PCDH9: variants seen among roughly 807,000 people sequenced by gnomAD.
PCDH9 encodes protocadherin-9.
A neutral mutation model predicts 70.6 loss-of-function variants in PCDH9; 24 were observed. The observed-to-expected ratio is 0.34, with a 90% CI of 0.25 to 0.48. PCDH9 has a LOEUF of 0.48. Among genes scored for constraint, PCDH9 ranks in the 20% least tolerant of loss-of-function variants. The probability of loss-of-function intolerance (pLI) is 0.99; values close to 1 mark genes in which losing one functional copy is unlikely to be tolerated. For missense variants in PCDH9, 1,281 were observed against 1,503.6 expected (o/e 0.85, Z 2.45); for synonymous variants, 562 against 558.5 (o/e 1.01, Z -0.09).
chr13:67,195,150 C>CTT (rs11427310), intron 2 of PCDH9, among the ~76,000 whole-genome samples: 30 of 144,926 alleles, frequency 2.1e-4, no homozygotes, highest in African/African-American at 3.8e-4. Flanking sequence ...TTCATACTTT[C>CTT]TTTTTTTTTT....
intron 4 of PCDH9, among the ~76,000 whole-genome samples, chr13:66,411,264 T>TA (rs1271217231): frequency 6.6e-5 from 10 of 152,222 alleles, no homozygotes; most frequent in Non-Finnish European, 1.2e-4. Flanking sequence ...AACTTTGCCT[T>TA]AAATGTTATA....
At chr13:66,939,457 T>A (rs1337022746) in intron 2 of PCDH9, among the ~76,000 whole-genome samples, 2 of 150,102 alleles carry the variant, frequency 1.3e-5, no homozygotes, top group Non-Finnish European at 3.0e-5. Context: ...TGTGTGTGTG[T>A]GACGGAGTCT....
rs1198218644 is a variant in PCDH9 at position 66,312,299 on chromosome 13, T to C, written c.3341-7271A>G. ...GAGAATCAAACTTTCCAATGCTACT[T>C]CATTTCAGTAAAGAAAAGCCCAAGA... is the stretch of plus-strand genomic sequence containing the variant. On this transcript the variant is annotated intron_variant, in intron 4 of 4. Coordinates refer to ENST00000377865, the MANE Select transcript of PCDH9 (RefSeq NM_203487.3). Among the ~76,000 whole-genome samples the C allele has an allele frequency of 2.6e-5, 4 of 152,300 alleles. No individual in the cohort carries two copies. In the East Asian group the frequency reaches 7.7e-4, roughly 29 times the overall value.
chr13:66,322,620 T>C (rs1955774775), intron 4 of PCDH9, among the ~76,000 whole-genome samples: 1 of 152,084 alleles, frequency 6.6e-6, no homozygotes, highest in Non-Finnish European at 1.5e-5. Context: ...TCCTTGTTGG[T>C]GACTGCATGA....
At chr13:66,794,705 TG>T (rs758666352) in intron 3 of PCDH9, among the ~76,000 whole-genome samples, 2 of 152,164 alleles carry the variant, frequency 1.3e-5, no homozygotes, top group Non-Finnish European at 2.9e-5. Context: ...CTGTCAATAC[TG>T]TATTGCAGCC....
chr13:66,683,755 T>C (rs1036186851), intron 3 of PCDH9, among the ~76,000 whole-genome samples: 11 of 152,284 alleles, frequency 7.2e-5, no homozygotes, highest in African/African-American at 2.6e-4. Flanking sequence ...GCTTAATCTT[T>C]ATTCTAAATT....
At chr13:67,019,357 C>T (rs1594399206) in intron 2 of PCDH9, among the ~76,000 whole-genome samples, 1 of 151,748 alleles carries the variant, frequency 6.6e-6, no homozygotes, top group South Asian at 2.1e-4. Flanking sequence ...CCATGCCCGG[C>T]TGATTTTTTT....
At chr13:66,437,960 G>A (rs1378779584) in intron 4 of PCDH9, among the ~76,000 whole-genome samples, 3 of 152,088 alleles carry the variant, frequency 2.0e-5, no homozygotes, top group East Asian at 1.9e-4. Context: ...AGGGCTGGGC[G>A]CGGTGGCTCA....
At chr13:67,140,226 C>G (rs911606112) in intron 2 of PCDH9, among the ~76,000 whole-genome samples, 3 of 152,062 alleles carry the variant, frequency 2.0e-5, no homozygotes, top group Admixed American at 2.0e-4. Flanking sequence ...GTGTCTGGCT[C>G]ACATTGCCAG....
intron 2 of PCDH9, among the ~76,000 whole-genome samples, chr13:66,966,616 A>G (rs1242266672): frequency 6.6e-6 from 1 of 152,078 alleles, no homozygotes; most frequent in Non-Finnish European, 1.5e-5. Context: ...CATTTCTTCA[A>G]TTCATGTTTG....
chr13:67,194,916 A>G (rs914496585), intron 2 of PCDH9, among the ~76,000 whole-genome samples: 2 of 152,200 alleles, frequency 1.3e-5, no homozygotes, highest in African/African-American at 4.8e-5. Flanking sequence ...TAATATAAAT[A>G]TGAGACCGTT....
chr13:66,625,416 G>A (rs929802958), intron 4 of PCDH9, among the ~76,000 whole-genome samples: 3 of 152,062 alleles, frequency 2.0e-5, no homozygotes, highest in Non-Finnish European at 4.4e-5. Context: ...AATTAGTGGA[G>A]GGAAGTTCTT....
At chr13:66,738,677 G>A (rs373957015) in intron 3 of PCDH9, among the ~76,000 whole-genome samples, 3 of 148,428 alleles carry the variant, frequency 2.0e-5, no homozygotes, top group Non-Finnish European at 3.0e-5. Context: ...ACCAAGGCTC[G>A]AGAACTACGT....
chr13:66,527,573 T>C (rs1267520893), intron 4 of PCDH9, among the ~76,000 whole-genome samples: 3 of 152,146 alleles, frequency 2.0e-5, no homozygotes, highest in African/African-American at 7.2e-5. Context: ...CTGCCTAATA[T>C]ATTTTGTGCT....
intron 2 of PCDH9, among the ~76,000 whole-genome samples, chr13:67,092,036 C>A (rs936716634): frequency 2.0e-5 from 3 of 152,122 alleles, no homozygotes; most frequent in Non-Finnish European, 4.4e-5. Context: ...ATATTTAAGA[C>A]CTTGGAGATA....
intron 2 of PCDH9, among the ~76,000 whole-genome samples, chr13:66,935,157 C>T (rs1457569423): frequency 2.0e-5 from 3 of 151,848 alleles, no homozygotes; most frequent in Non-Finnish European, 4.4e-5. Flanking sequence ...ACACCCGGGG[C>T]TCAAGCATTC....
chr13:67,073,279 T>C (rs1019143488), intron 2 of PCDH9, among the ~76,000 whole-genome samples: 1 of 151,996 alleles, frequency 6.6e-6, no homozygotes, highest in African/African-American at 2.4e-5. Flanking sequence ...ATCTGGAAAA[T>C]TGTCCCAAGA....
intron 4 of PCDH9, among the ~76,000 whole-genome samples, chr13:66,471,988 A>G (rs909060534): frequency 6.6e-6 from 1 of 152,034 alleles, no homozygotes; most frequent in South Asian, 2.1e-4. Flanking sequence ...AGGCGGGCGG[A>G]TCGCTTAAGG....
intron 2 of PCDH9, among the ~76,000 whole-genome samples, chr13:67,046,437 CAAATATAA>C (rs1256488820): frequency 6.6e-6 from 1 of 151,926 alleles, no homozygotes; most frequent in Non-Finnish European, 1.5e-5. Context: ...GTCACAAATG[CAAATATAA>C]AAATATAAAA....
Sources: gnomAD v4.1 joint callset for allele counts (sites outside exome capture counted in the v4.1 genomes callset) on GRCh38, gnomAD v4.1.1 for gene constraint, MANE v1.5 for transcripts, NCBI Gene and HGNC (gene_info 2026-07-23, HGNC 2026-07-21) for gene names.